The following IGFBP4 variants were observed in gnomAD, a reference collection of about 807,000 sequenced individuals.
IGFBP4 encodes the protein insulin like growth factor binding protein 4.
A neutral mutation model predicts 25.8 loss-of-function variants in IGFBP4; 9 were observed. The observed-to-expected ratio is 0.35, with a 90% CI of 0.21 to 0.61. The LOEUF (loss-of-function observed/expected upper bound fraction) is 0.61. Among genes scored for constraint, IGFBP4 ranks in the 20% least tolerant of loss-of-function variants. IGFBP4 has a pLI of 0.77. For missense variants in IGFBP4, 315 were observed against 365.3 expected, an observed-to-expected ratio of 0.86 and a Z score of 1.12; for synonymous variants, 153 against 153.9, an observed-to-expected ratio of 0.99 and a Z score of 0.05.
rs772147926 is a variant in IGFBP4 at position 40,457,269 on chromosome 17, A to G, written c.*686A>G. The G allele has an allele frequency of 6.6e-6, 1 of 152,306 alleles. No individual in the cohort carries two copies. The highest frequency in any genetic ancestry group is 2.4e-5 in the African/African-American group (1 of 41,382). The allele number at this position is 152,306 out of a possible 1,614,324, so 9.4% of individuals were successfully genotyped here. ...TTCCTTTAGGTCTGGTTGTTGCACC[A>G]TCTGCTTGGTTGGCTGGCAGCTGAG... On this transcript the variant is annotated 3_prime_UTR_variant, in exon 4 of 4. Coordinates refer to ENST00000269593, the MANE Select transcript of IGFBP4 (RefSeq NM_001552.3).
intron 3 of IGFBP4, among the ~76,000 whole-genome samples, chr17:40,455,552 G>A (rs1461365063): frequency 1.3e-5 from 2 of 150,846 alleles, no homozygotes. Flanking sequence ...GTGGGATCTC[G>A]GCTCACTGCA....
Position 40,453,774 on chromosome 17 carries a change from C to G in IGFBP4, c.508-154C>G, listed in dbSNP as rs2035699385. ...CTACCCTCCCAGTGTGTCCTCCAGA[C>G]CCAGGCCTCTCTCTTCACCTCACTG... On this transcript the variant is annotated intron_variant, in intron 2 of 3. Transcript: ENST00000269593. This position sits in a 1 kb window ranked among gnomAD's most constrained non-coding sequence, Gnocchi z 4.0. Among the ~76,000 whole-genome samples, 1 of 152,160 alleles carries G rather than the reference C, an allele frequency of 6.6e-6. No individual in the cohort carries two copies. The highest frequency in any genetic ancestry group is 1.5e-5 in the Non-Finnish European group (1 of 68,018).
rs946321069 is a variant in IGFBP4, at chr17:40,453,826, G to C, written c.508-102G>C. 3.6e-6 allele frequency: 3 copies of C among 831,862 alleles called. No homozygotes were observed. The highest frequency in any genetic ancestry group is 5.5e-6 in the Non-Finnish European group (3 of 548,428). The allele number at this position is 831,862 out of a possible 1,614,324, so 51.5% of individuals were successfully genotyped here. On this transcript the variant is annotated intron_variant, in intron 2 of 3. Transcript: ENST00000269593. This position sits in a 1 kb window ranked among gnomAD's most constrained non-coding sequence, Gnocchi z 4.0. ...GTCCTGCCCAGCCCCTGGGGCTCAG[G>C]CCTCCTTTCGGGGCCTTCAGTTCTC...
intron 1 of IGFBP4, 60 bp from the exon 2 acceptor site, chr17:40,452,925 T>G: frequency 1.5e-6 from 2 of 1,318,266 alleles, no homozygotes; most frequent in Non-Finnish European, 1.0e-6. Flanking sequence ...GGAGGCTGGG[T>G]TGGTGTGACG....
At chr17:40,448,313 G>A (rs2035662161) in intron 1 of IGFBP4, among the ~76,000 whole-genome samples, 1 of 152,266 alleles carries the variant, frequency 6.6e-6, no homozygotes, top group African/African-American at 2.4e-5. Context: ...CTTTGCAGCC[G>A]GTGGTGCCAA....
intron 1 of IGFBP4, among the ~76,000 whole-genome samples, chr17:40,450,682 G>A (rs917112895): frequency 4.0e-5 from 6 of 151,566 alleles, no homozygotes; most frequent in Non-Finnish European, 8.8e-5. Flanking sequence ...CCACAGGCAG[G>A]TCTGACTAAT....
Position 40,453,379 on chromosome 17 carries a change from C to T in IGFBP4, c.507+237C>T, listed in dbSNP as rs1470981215. ...TCCTTTCCTGCCCATCAGTTATATA[C>T]ATCGGGGCAGCTTAAGTGATTATTA... On this transcript the variant is annotated intron_variant, in intron 2 of 3. Transcript: ENST00000269593. This position sits in a 1 kb window ranked among gnomAD's most constrained non-coding sequence, Gnocchi z 4.0. Among the ~76,000 whole-genome samples the T allele has an allele frequency of 6.6e-6, 1 of 152,156 alleles. No homozygotes were observed. Among genetic ancestry groups the T allele is most frequent in the Non-Finnish European group, 1.5e-5 (1 of 68,030 alleles).
At position 40,443,708 on chromosome 17, in the gene IGFBP4, C is replaced by G; in HGVS notation, c.-28C>G. On this transcript the variant is annotated 5_prime_UTR_variant, in exon 1 of 4. Coordinates refer to ENST00000269593, the MANE Select transcript of IGFBP4 (RefSeq NM_001552.3). Reference sequence around the variant, plus strand: ...CGCTCCCCGCCTGCGCCCAGCGCCCCGCGCCCGCGCCCAGTCCTCGGGCGG... The same window carrying G: ...CGCTCCCCGCCTGCGCCCAGCGCCCGGCGCCCGCGCCCAGTCCTCGGGCGG... 1 of 1,312,544 alleles carries G rather than the reference C, an allele frequency of 7.6e-7. No homozygotes were observed. The highest frequency in any genetic ancestry group is 9.7e-7 in the Non-Finnish European group (1 of 1,030,696). The allele number at this position is 1,312,544 out of a possible 1,614,324, so 81.3% of individuals were successfully genotyped here.
intron 1 of IGFBP4, among the ~76,000 whole-genome samples, chr17:40,446,116 G>T (rs1439077324): frequency 6.8e-6 from 1 of 147,288 alleles, no homozygotes; most frequent in African/African-American, 2.5e-5. Flanking sequence ...AGGATTGCTT[G>T]AGGCCAGGAG....
chr17:40,452,215 C>T (rs1001313526), intron 1 of IGFBP4, among the ~76,000 whole-genome samples: 1 of 152,196 alleles, frequency 6.6e-6, no homozygotes, highest in Admixed American at 6.5e-5. Flanking sequence ...CCTCATCACT[C>T]CCGTCTCCAG....
intron 1 of IGFBP4, among the ~76,000 whole-genome samples, chr17:40,447,781 C>T (rs138871732): frequency 2.4e-4 from 36 of 152,158 alleles, no homozygotes; most frequent in African/African-American, 6.7e-4. Flanking sequence ...AGGGTTGGGG[C>T]GTCTGGCATC....
intron 1 of IGFBP4, among the ~76,000 whole-genome samples, chr17:40,449,888 T>G (rs1405346096): frequency 6.6e-6 from 1 of 152,190 alleles, no homozygotes; most frequent in African/African-American, 2.4e-5. Context: ...GGGTGGGAGC[T>G]CACTACCTCC....
Position 40,453,173 on chromosome 17 carries a change from T to C in IGFBP4, c.507+31T>C. 3 of 1,376,728 alleles carry C rather than the reference T, an allele frequency of 2.2e-6. No homozygotes were observed. Among genetic ancestry groups the C allele is most frequent in the South Asian group, 2.8e-5 (2 of 71,004 alleles). 85.3% of individuals were successfully genotyped at this position (1,376,728 alleles called of 1,614,324 possible). On this transcript the variant is annotated intron_variant, in intron 2 of 3. Transcript: ENST00000269593. This position sits in a 1 kb window ranked among gnomAD's most constrained non-coding sequence, Gnocchi z 4.0. The stretch of plus-strand genomic sequence containing the variant: ...GACCTCCGATGCACAAATGTGCATG[T>C]GCATAGACACACACACACACATGCC...
chr17:40,445,091 G>A (rs1035776786), intron 1 of IGFBP4, among the ~76,000 whole-genome samples: 1 of 151,232 alleles, frequency 6.6e-6, no homozygotes, highest in East Asian at 1.9e-4. Flanking sequence ...TTGCTCTTTT[G>A]TTCTTCCTGA....
chr17:40,446,119 G>A (rs1325666003), intron 1 of IGFBP4, among the ~76,000 whole-genome samples: 1 of 145,662 alleles, frequency 6.9e-6, no homozygotes, highest in African/African-American at 2.6e-5. Flanking sequence ...ATTGCTTGAG[G>A]CCAGGAGTTC....
chr17:40,444,593 T>C (rs919426519), intron 1 of IGFBP4, among the ~76,000 whole-genome samples: 2 of 152,028 alleles, frequency 1.3e-5, no homozygotes, highest in Admixed American at 1.3e-4. Context: ...TAGAGGGACT[T>C]TGGCGTTGAG....
intron 1 of IGFBP4, among the ~76,000 whole-genome samples, chr17:40,447,637 G>A (rs1042262737): frequency 8.5e-5 from 13 of 152,148 alleles, no homozygotes; most frequent in African/African-American, 2.7e-4. Context: ...AGCAGTATTG[G>A]TGCCTCGGGT....
chr17:40,453,982 T>C lies in IGFBP4; in HGVS notation c.562T>C (p.Ser188Pro). 1 of 1,613,120 alleles carries C rather than the reference T, an allele frequency of 6.2e-7. No homozygotes were observed. Among genetic ancestry groups the C allele is most frequent in the East Asian group, 2.2e-5 (1 of 44,748 alleles). ...LHRALERLAA[S>P]QSRTHEDLYI... is the part of the protein sequence containing the mutation. ...CCGGGCGCTGGAGCGGCTGGCCGCT[T>C]CACAGAGCCGCACCCACGAGGACCT... Residue 188 changes from serine to proline, a missense_variant, in exon 3 of 4, where the codon TCA becomes CCA. By Grantham distance (74) the Ser-to-Pro change is moderately conservative. Transcript: ENST00000269593. This position sits in a 1 kb window ranked among gnomAD's most constrained non-coding sequence, Gnocchi z 4.0.
intron 1 of IGFBP4, among the ~76,000 whole-genome samples, chr17:40,450,069 G>A (rs2143740537): frequency 6.6e-6 from 1 of 152,238 alleles, no homozygotes; most frequent in East Asian, 1.9e-4. Flanking sequence ...GTGCAGTGGT[G>A]TGATCACTGC....
Sources: gnomAD v4.1 joint callset for allele counts (sites outside exome capture counted in the v4.1 genomes callset) on GRCh38, gnomAD v4.1.1 for gene constraint, Gnocchi (gnomAD v3.1) non-coding constraint, MANE v1.5 for transcripts, NCBI Gene and HGNC (gene_info 2026-07-23, HGNC 2026-07-21) for gene names.